Variants in IL34 observed in about 807,000 individuals in gnomAD.
IL34 encodes interleukin-34.
Under a neutral mutation model 25.3 loss-of-function variants are expected in IL34, and 17 were observed. The observed-to-expected ratio is 0.67, with a 90% CI of 0.46 to 1.01. The LOEUF is 1.01. Ranked by LOEUF, IL34 falls within the 50% of genes least tolerant of loss-of-function variation. The pLI, the probability that IL34 is intolerant of heterozygous loss-of-function variation, is 0.00. For missense variants in IL34, 368 were observed against 312.9 expected (o/e 1.18, Z -1.33); for synonymous variants, 174 against 140.9 (o/e 1.23, Z -1.66).
At chr16:70,590,813 C>T (rs2050745037) in intron 1 of IL34, among the ~76,000 whole-genome samples, 1 of 152,176 alleles carries the variant, frequency 6.6e-6, no homozygotes, top group African/African-American at 2.4e-5. Context: ...GTCTCCCAAA[C>T]CCGTCCCCCC....
At chr16:70,587,236 T>G (rs1017053322) in intron 1 of IL34, among the ~76,000 whole-genome samples, 2 of 151,626 alleles carry the variant, frequency 1.3e-5, no homozygotes, top group African/African-American at 4.8e-5. Flanking sequence ...GGATGGGGGC[T>G]GCTGAGAGCA....
At chr16:70,606,912 T>G (rs1416156188) in intron 1 of IL34, among the ~76,000 whole-genome samples, 1 of 152,136 alleles carries the variant, frequency 6.6e-6, no homozygotes, top group Non-Finnish European at 1.5e-5. Flanking sequence ...CTGAGTAGTA[T>G]TCTGTTGTAT....
At chr16:70,619,981 A>G (rs12933193) in intron 1 of IL34, among the ~76,000 whole-genome samples, 1 of 151,378 alleles carries the variant, frequency 6.6e-6, no homozygotes, top group African/African-American at 2.4e-5. Flanking sequence ...GCGGTTCAGG[A>G]GTTTGGAAGT....
At chr16:70,581,400 CTTTT>C (rs756338626) in intron 1 of IL34, among the ~76,000 whole-genome samples, 2 of 141,574 alleles carry the variant, frequency 1.4e-5, no homozygotes, top group South Asian at 4.5e-4. Flanking sequence ...GTGGAAATAA[CTTTT>C]TTTTTTTTTT....
chr16:70,592,942 C>T lies in IL34; in HGVS notation c.-401+12893C>T, dbSNP rs529369989. On this transcript the variant is annotated intron_variant, in intron 1 of 6. Transcript: ENST00000429149. ...TACTGGGATTACAGGCGTGAGCCACCGTGCCGGCCCTATTTTTTAAATTTT... is the reference window on the plus strand; with the variant it reads ...TACTGGGATTACAGGCGTGAGCCACTGTGCCGGCCCTATTTTTTAAATTTT... Among the ~76,000 whole-genome samples, 174 of 152,204 alleles carry T rather than the reference C, an allele frequency of 1.1e-3. 1 individual carries two copies. Among genetic ancestry groups the T allele is most frequent in the Non-Finnish European group, 2.0e-3 (137 of 68,024 alleles).
chr16:70,612,683 G>A (rs894854572), intron 1 of IL34, among the ~76,000 whole-genome samples: 19 of 152,332 alleles, frequency 1.2e-4, no homozygotes, highest in Middle Eastern at 3.4e-3. Flanking sequence ...TTGGAAAAAC[G>A]CACACAGTGT....
chr16:70,602,583 ATG>A (rs3058045), intron 1 of IL34, among the ~76,000 whole-genome samples: 14,541 of 134,832 alleles, frequency 0.11, 1,467 homozygotes, highest in African/African-American at 0.29. Context: ...TTTGGAATTG[ATG>A]TGTGTGTGTG....
intron 1 of IL34, among the ~76,000 whole-genome samples, chr16:70,621,129 G>A (rs1037558297): frequency 1.3e-5 from 2 of 152,066 alleles, no homozygotes; most frequent in African/African-American, 4.8e-5. Flanking sequence ...AAGGAGAAGG[G>A]GTTGAGGGGT....
At chr16:70,652,598 T>C (rs1336002790) in intron 1 of IL34, among the ~76,000 whole-genome samples, 1 of 152,266 alleles carries the variant, frequency 6.6e-6, no homozygotes, top group Non-Finnish European at 1.5e-5. Flanking sequence ...TTTGACAATG[T>C]GATTTTTATT....
At chr16:70,637,509 C>T (rs935584545) in intron 1 of IL34, among the ~76,000 whole-genome samples, 20 of 137,338 alleles carry the variant, frequency 1.5e-4, no homozygotes, top group African/African-American at 5.1e-4. Context: ...TCAGGCCCGG[C>T]TAATTTTATA....
At chr16:70,583,442 G>A (rs112013520) in intron 1 of IL34, among the ~76,000 whole-genome samples, 2 of 152,104 alleles carry the variant, frequency 1.3e-5, no homozygotes, top group Non-Finnish European at 2.9e-5. Context: ...CTGTTCTTGC[G>A]GCTTCGAGGG....
rs562212914 is a variant in IL34, at chr16:70,647,120, C to T, written c.28+145C>T. On this transcript the variant is annotated intron_variant, in intron 1 of 5. Transcript: ENST00000288098. ...CGGACTGCAGACACCCTCTGAGATT[C>T]CCACGGCCGCCGTCTGCCCTGTCTG... The T allele has an allele frequency of 1.0e-4, 78 of 747,632 alleles. No homozygotes were observed. In the African/African-American group the frequency reaches 1.2e-3, roughly 11 times the overall value. 46.3% of individuals were successfully genotyped at this position (747,632 alleles called of 1,614,324 possible).
At position 70,587,394 on chromosome 16, in the gene IL34, C is replaced by T. The variant is rs568153460; in HGVS notation, c.-401+7345C>T. Among the ~76,000 whole-genome samples, 10 of 152,174 alleles carry T rather than the reference C, an allele frequency of 6.6e-5. No individual in the cohort carries two copies. The East Asian group carries it at 1.9e-3, about 30-fold the overall frequency. Reference sequence around the variant, plus strand: ...ACGCCATTCTCCTGCCTCAGCCTCCCGAGTAGCTGGGACTACAGACGCCCG... The same window carrying T: ...ACGCCATTCTCCTGCCTCAGCCTCCTGAGTAGCTGGGACTACAGACGCCCG... On this transcript the variant is annotated intron_variant, in intron 1 of 6. Transcript: ENST00000429149.
chr16:70,646,794 C>A lies in IL34; in HGVS notation c.-154C>A, dbSNP rs902573992. On this transcript the variant is annotated 5_prime_UTR_variant, in exon 1 of 6. Coordinates refer to ENST00000288098, the MANE Select transcript of IL34 (RefSeq NM_001393494.1). ...AGCTGCTGCCCTTGGGGCACCTGCT[C>A]ACTCCCGCAGCCCAGCCACTCCTCC... 18 of 652,132 alleles carry A rather than the reference C, an allele frequency of 2.8e-5. No individual in the cohort carries two copies. Among genetic ancestry groups the A allele is most frequent in the South Asian group, 1.5e-4 (7 of 45,270 alleles). 40.4% of individuals were successfully genotyped at this position (652,132 alleles called of 1,614,324 possible).
intron 1 of IL34, among the ~76,000 whole-genome samples, chr16:70,585,723 G>A (rs951346801): frequency 6.6e-6 from 1 of 151,316 alleles, no homozygotes; most frequent in Admixed American, 6.6e-5. Context: ...TTAGAGACAG[G>A]GTCTCCCTAT....
intron 1 of IL34, among the ~76,000 whole-genome samples, chr16:70,603,005 C>T (rs987125801): frequency 2.0e-5 from 3 of 152,126 alleles, no homozygotes; most frequent in African/African-American, 4.8e-5. Context: ...CCAACCCCAG[C>T]CCTGAGTGGG....
At position 70,621,738 on chromosome 16, in the gene IL34, G is replaced by A. The variant is rs530398063; in HGVS notation, c.-400-24810G>A. Among the ~76,000 whole-genome samples the A allele has an allele frequency of 8.6e-4, 131 of 152,222 alleles. 1 individual carries two copies. The highest frequency in any genetic ancestry group is 4.2e-3 in the Admixed American group (64 of 15,288). On this transcript the variant is annotated intron_variant, in intron 1 of 6. Coordinates refer to the IL34 transcript ENST00000429149. ...AGTGAAGGGAGATAAGGGTGGGGCCGTTTTATAGGATTTGGGTAGGTAAAG... is the reference window on the plus strand; with the variant it reads ...AGTGAAGGGAGATAAGGGTGGGGCCATTTTATAGGATTTGGGTAGGTAAAG...
At chr16:70,597,007 G>A (rs553131088) in intron 1 of IL34, among the ~76,000 whole-genome samples, 14 of 152,192 alleles carry the variant, frequency 9.2e-5, no homozygotes, top group Admixed American at 5.2e-4. Flanking sequence ...AGTAGAGGCC[G>A]TCCCCAGCTC....
In IL34 at chr16:70,624,074, GAGTC is replaced by G. The variant is rs1301500706; in HGVS notation, c.-400-22467_-400-22464del. On this transcript the variant is annotated intron_variant, in intron 1 of 6. Transcript: ENST00000429149. The stretch of plus-strand genomic sequence containing the variant: ...AGTCTTCAGCCGCTAAGCCGAGAAG[GAGTC>G]AGTCAGAGAGCCTTGGGCCAGAGTT... Among the ~76,000 whole-genome samples, 12 of 152,208 alleles carry G rather than the reference GAGTC, an allele frequency of 7.9e-5. No homozygotes were observed. In the South Asian group the frequency reaches 2.1e-3, roughly 26 times the overall value.
Sources: allele counts gnomAD v4.1 joint callset (sites outside exome capture counted in the v4.1 genomes callset), GRCh38; gene constraint gnomAD v4.1.1; transcripts MANE v1.5; gene names NCBI Gene and HGNC (gene_info 2026-07-23, HGNC 2026-07-21).